The following TRIM9 variants were observed in gnomAD, a reference collection of about 807,000 sequenced individuals.
TRIM9 encodes tripartite motif containing 9.
TRIM9 carries 26 observed loss-of-function variants against 78.3 expected under a neutral mutation model. The observed-to-expected ratio is 0.33, with a 90% CI of 0.24 to 0.46. The LOEUF is 0.46. Ranked by LOEUF, TRIM9 falls within the 20% of genes least tolerant of loss-of-function variation. The pLI, the probability that TRIM9 is intolerant of heterozygous loss-of-function variation, is 1.00. For missense variants in TRIM9, 787 were observed against 1,036.4 expected (o/e 0.76, Z 3.30); for synonymous variants, 398 against 416.5 (o/e 0.96, Z 0.54).
chr14:51,018,289 T>G (rs566723593), intron 3 of TRIM9, among the ~76,000 whole-genome samples: 8 of 151,860 alleles, frequency 5.3e-5, no homozygotes, highest in African/African-American at 1.4e-4. Flanking sequence ...CTGCCTGCCT[T>G]CCTTCCTTCC....
At chr14:50,987,431 C>T (rs1291848470) in intron 7 of TRIM9, among the ~76,000 whole-genome samples, 1 of 152,206 alleles carries the variant, frequency 6.6e-6, no homozygotes, top group Non-Finnish European at 1.5e-5. Flanking sequence ...GTTAGCTTTT[C>T]AGGCTTTAGA....
intron 7 of TRIM9, chr14:50,986,589 A>G (rs1454722614): frequency 2.6e-5 from 4 of 152,428 alleles, no homozygotes; most frequent in African/African-American, 7.2e-5. Context: ...TTTTTTACAA[A>G]CTGTTTCCTA....
chr14:51,058,583 G>C (rs1035341975), intron 1 of TRIM9, among the ~76,000 whole-genome samples: 2 of 152,220 alleles, frequency 1.3e-5, no homozygotes, highest in Non-Finnish European at 2.9e-5. Context: ...CACTGTGGTA[G>C]TGAGAAGGCC....
intron 5 of TRIM9, 81 bp from the exon 6 acceptor site, chr14:51,000,921 T>C: frequency 1.3e-6 from 2 of 1,550,232 alleles, no homozygotes; most frequent in Non-Finnish European, 8.8e-7. Flanking sequence ...ATCCCCCTGA[T>C]AAACACGTGG....
chr14:51,014,070 T>A (rs2056881779), intron 3 of TRIM9, among the ~76,000 whole-genome samples: 1 of 152,344 alleles, frequency 6.6e-6, no homozygotes, highest in African/African-American at 2.4e-5. Flanking sequence ...CTGAGCACTA[T>A]AACCCAGAGT....
At chr14:51,024,121 C>T (rs2139787728) in intron 2 of TRIM9, among the ~76,000 whole-genome samples, 1 of 152,252 alleles carries the variant, frequency 6.6e-6, no homozygotes, top group South Asian at 2.1e-4. Context: ...CTCTCTATGC[C>T]ACATGCAGGG....
chr14:51,077,338 A>G (rs768235426), intron 1 of TRIM9, among the ~76,000 whole-genome samples: 2 of 149,934 alleles, frequency 1.3e-5, no homozygotes, highest in East Asian at 2.0e-4. Flanking sequence ...TAAGGCGACC[A>G]TGAGCTGTCA....
chr14:50,978,910 G>A lies in TRIM9; in HGVS notation c.2325+477C>T, dbSNP rs184749008. ...TAATAATTGACTAAGTTGTAGGTAG[G>A]GACTATGTTTTCTACCCCTTAGGAC... On this transcript the variant is annotated intron_variant, in intron 12 of 12. Coordinates refer to ENST00000684578, the MANE Select transcript of TRIM9 (RefSeq NM_001387360.1). 549 of 1,016,212 alleles carry A rather than the reference G, an allele frequency of 5.4e-4. 11 individuals are homozygous for A. The Admixed American group carries it at 0.022, about 41-fold the overall frequency. The allele number at this position is 1,016,212 out of a possible 1,614,324, so 62.9% of individuals were successfully genotyped here. A position where few individuals can be genotyped will look rare whatever the true frequency, so the allele number is the denominator to read the frequency against.
intron 1 of TRIM9, among the ~76,000 whole-genome samples, chr14:51,058,407 G>A (rs2061061086): frequency 6.6e-6 from 1 of 152,220 alleles, no homozygotes. Context: ...TATTAGCTAG[G>A]TCATTGATTC....
chr14:51,077,188 C>G (rs1197281215), intron 1 of TRIM9, among the ~76,000 whole-genome samples: 1 of 152,152 alleles, frequency 6.6e-6, no homozygotes, highest in South Asian at 2.1e-4. Flanking sequence ...AGTTGGCCAA[C>G]AAGCACTGAT....
intron 1 of TRIM9, among the ~76,000 whole-genome samples, chr14:51,071,453 G>C (rs922706215): frequency 6.6e-6 from 1 of 151,040 alleles, no homozygotes; most frequent in Non-Finnish European, 1.5e-5. Context: ...GACTTCACTT[G>C]AAATGCCAAC....
chr14:51,075,797 G>C (rs2062726300), intron 1 of TRIM9, among the ~76,000 whole-genome samples: 1 of 152,096 alleles, frequency 6.6e-6, no homozygotes, highest in Non-Finnish European at 1.5e-5. Flanking sequence ...CATTGCTCTT[G>C]GCCACCTTCT....
rs574708198 is a variant in TRIM9, at chr14:51,067,657, G to T, written c.822+26461C>A. ...TTTGCATGTGCTATTTCATCTGTTC[G>T]GCTGGCCCTTCCTGCAGATCTTCAC... On this transcript the variant is annotated intron_variant, in intron 1 of 12. Coordinates refer to ENST00000684578, the MANE Select transcript of TRIM9 (RefSeq NM_001387360.1). Among the ~76,000 whole-genome samples, 45 of 151,520 alleles carry T rather than the reference G, an allele frequency of 3.0e-4. No homozygotes were observed. The South Asian group carries it at 3.2e-3, about 11-fold the overall frequency.
intron 4 of TRIM9, 22 bp from the exon 5 acceptor site, chr14:51,009,255 C>T (rs2056250716): frequency 6.2e-7 from 1 of 1,613,234 alleles, no homozygotes; most frequent in Non-Finnish European, 8.5e-7. Flanking sequence ...AAGAGGACCA[C>T]AGCCTAAGAA....
chr14:51,001,237 T>C (rs1465819654), intron 5 of TRIM9, among the ~76,000 whole-genome samples: 1 of 151,426 alleles, frequency 6.6e-6, no homozygotes, highest in African/African-American at 2.4e-5. Context: ...AATTTTTTTT[T>C]TTTTTTTTTT....
chr14:50,978,515 G>A (rs72685397), intron 12 of TRIM9, among the ~76,000 whole-genome samples: 11 of 152,110 alleles, frequency 7.2e-5, no homozygotes, highest in Non-Finnish European at 1.6e-4. Flanking sequence ...TGTCTGGAAG[G>A]CTCCACGCAA....
At chr14:50,993,899 A>C (rs1221438297) in intron 7 of TRIM9, among the ~76,000 whole-genome samples, 1 of 152,192 alleles carries the variant, frequency 6.6e-6, no homozygotes, top group Non-Finnish European at 1.5e-5. Context: ...ATAAGTAGAG[A>C]AAGATGACAA....
chr14:51,081,945 A>C (rs11623697), intron 1 of TRIM9, among the ~76,000 whole-genome samples: 29,945 of 152,078 alleles, frequency 0.2, 3,174 homozygotes, highest in Non-Finnish European at 0.24. Flanking sequence ...GTTTTTATAG[A>C]ACTCAATCTC....
intron 3 of TRIM9, among the ~76,000 whole-genome samples, chr14:51,020,938 A>G (rs542661542): frequency 3.9e-5 from 6 of 152,332 alleles, no homozygotes; most frequent in African/African-American, 1.2e-4. Flanking sequence ...AAGTGTTCGC[A>G]ATGTTTCAAA....
Sources: allele counts gnomAD v4.1 joint callset (sites outside exome capture counted in the v4.1 genomes callset), GRCh38; gene constraint gnomAD v4.1.1; transcripts MANE v1.5; gene names NCBI Gene and HGNC (gene_info 2026-07-23, HGNC 2026-07-21).